TTLL7: variants seen among roughly 807,000 people sequenced by gnomAD.
TTLL7 encodes tubulin tyrosine ligase like 7.
TTLL7 carries 53 observed loss-of-function variants against 120.2 expected under a neutral mutation model. The observed-to-expected ratio is 0.44, with a 90% confidence interval of 0.35 to 0.55. The LOEUF is 0.55. TTLL7 is among the 20% of genes least tolerant of loss of function. The probability of loss-of-function intolerance (pLI) is 0.00; values close to 1 mark genes in which losing one functional copy is unlikely to be tolerated. For missense variants in TTLL7, 803 were observed against 1,054.7 expected, an observed-to-expected ratio of 0.76 and a Z score of 3.31; for synonymous variants, 353 against 351.7, an observed-to-expected ratio of 1.00 and a Z score of -0.04.
rs778043375 is a variant in TTLL7, at chr1:83,949,928, A to C, written c.216T>G (p.Ser72Arg). ...CAGCAGAATCACACCATATAAGATT[A>C]CTTGTTTCATCCTCATCTGGAGTTT... is the stretch of plus-strand genomic sequence containing the variant. ...FMKTPDEDET[S>R]NLIWCDSAVQ... Residue 72 changes from serine (S) to arginine (R), a missense_variant, in exon 4 of 21, where the codon AGT becomes AGG. Physicochemically the swap from Ser to Arg is moderately radical, Grantham distance 110 (BLOSUM62 -1). This residue lies in a region of TTLL7 where 91 missense variants were observed against 96.6 expected (regional missense o/e 0.94). Coordinates refer to ENST00000260505, the MANE Select transcript of TTLL7 (RefSeq NM_024686.6). 6.2e-7 allele frequency: 1 copy of C among 1,613,652 alleles called. No individual in the cohort carries two copies. The highest frequency in any genetic ancestry group is 8.5e-7 in the Non-Finnish European group (1 of 1,179,816).
chr1:83,959,597 A>G (rs1167349129), intron 1 of TTLL7, among the ~76,000 whole-genome samples: 2 of 152,262 alleles, frequency 1.3e-5, no homozygotes, highest in Admixed American at 6.5e-5. Context: ...TTTGACCCCA[A>G]ACCAGCTACC....
intron 9 of TTLL7, 64 bp from the exon 10 acceptor site, chr1:83,929,294 C>T: frequency 8.0e-7 from 1 of 1,251,146 alleles, no homozygotes; most frequent in South Asian, 1.3e-5. Context: ...TTTGTTAATC[C>T]AATGTGGGAT....
intron 3 of TTLL7, among the ~76,000 whole-genome samples, 192 bp downstream of exon 3, chr1:83,951,653 C>A (rs1327494465): frequency 1.3e-5 from 2 of 152,114 alleles, no homozygotes; most frequent in Non-Finnish European, 2.9e-5. Context: ...CAGTTGGGAT[C>A]TTTTTAAGGA....
chr1:83,914,413 C>G (rs752760324), intron 14 of TTLL7, among the ~76,000 whole-genome samples: 2 of 137,796 alleles, frequency 1.5e-5, no homozygotes, highest in South Asian at 2.4e-4. Flanking sequence ...CTCATTGCAA[C>G]CTCTGCCTCC....
intron 7 of TTLL7, among the ~76,000 whole-genome samples, chr1:83,939,689 C>T (rs767357915): frequency 1.2e-4 from 18 of 152,100 alleles, no homozygotes; most frequent in Admixed American, 2.6e-4. Flanking sequence ...CCAACCACTA[C>T]ATTGGTAGCA....
intron 14 of TTLL7, among the ~76,000 whole-genome samples, chr1:83,917,257 G>A (rs1231146039): frequency 6.6e-6 from 1 of 152,036 alleles, no homozygotes; most frequent in Non-Finnish European, 1.5e-5. Context: ...TTCATGATTT[G>A]CCTTATTTAT....
intron 1 of TTLL7, among the ~76,000 whole-genome samples, chr1:83,996,984 A>G (rs1653541213): frequency 6.6e-6 from 1 of 152,034 alleles, no homozygotes; most frequent in Admixed American, 6.6e-5. Flanking sequence ...AAGGTTCAGG[A>G]TATAGGTTAT....
At chr1:83,952,880 T>C (rs1192802377) in intron 1 of TTLL7, among the ~76,000 whole-genome samples, 1 of 152,198 alleles carries the variant, frequency 6.6e-6, no homozygotes, top group Non-Finnish European at 1.5e-5. Context: ...GTGTCTTATT[T>C]AGAAACCCAC....
intron 15 of TTLL7, among the ~76,000 whole-genome samples, chr1:83,908,168 A>G (rs1657366039): frequency 6.6e-6 from 1 of 152,056 alleles, no homozygotes; most frequent in Non-Finnish European, 1.5e-5. Context: ...CTTTTTCTAT[A>G]ATACCATGAT....
At chr1:83,956,027 G>A (rs1649478238) in intron 1 of TTLL7, among the ~76,000 whole-genome samples, 1 of 152,068 alleles carries the variant, frequency 6.6e-6, no homozygotes, top group African/African-American at 2.4e-5. Context: ...CATGAGAGCT[G>A]AGAGAAAAGA....
chr1:83,875,706 G>T (rs1024025744), intron 20 of TTLL7, among the ~76,000 whole-genome samples: 1 of 151,808 alleles, frequency 6.6e-6, no homozygotes, highest in Non-Finnish European at 1.5e-5. Context: ...GCATTTCCCT[G>T]ATTATTAGCT....
intron 6 of TTLL7, among the ~76,000 whole-genome samples, chr1:83,945,732 A>C (rs1163736217): frequency 6.6e-6 from 1 of 151,886 alleles, no homozygotes; most frequent in Non-Finnish European, 1.5e-5. Context: ...TGTATGTTTT[A>C]ATATCAAATA....
At chr1:83,931,368 C>A (rs1013954369) in intron 9 of TTLL7, among the ~76,000 whole-genome samples, 1 of 152,070 alleles carries the variant, frequency 6.6e-6, no homozygotes, top group Non-Finnish European at 1.5e-5. Flanking sequence ...CTCTGCACCA[C>A]AGCCTTTCCC....
intron 1 of TTLL7, among the ~76,000 whole-genome samples, chr1:83,960,058 T>C (rs909444581): frequency 6.6e-6 from 1 of 152,180 alleles, no homozygotes; most frequent in African/African-American, 2.4e-5. Context: ...ATGCAAAGAA[T>C]GTAATTCTTA....
At chr1:83,903,779 T>C (rs1424579647) in intron 18 of TTLL7, among the ~76,000 whole-genome samples, 1 of 152,010 alleles carries the variant, frequency 6.6e-6, no homozygotes, top group Non-Finnish European at 1.5e-5. Flanking sequence ...CATCCATGGA[T>C]GCGAAACCCA....
chr1:83,901,914 T>A (rs1279309801), intron 18 of TTLL7: 2 of 151,950 alleles, frequency 1.3e-5, no homozygotes, highest in African/African-American at 4.8e-5. Context: ...ATAGTCTATC[T>A]CCCAGAAAAC....
At chr1:83,961,052 C>G (rs1400803308) in intron 1 of TTLL7, among the ~76,000 whole-genome samples, 2 of 152,022 alleles carry the variant, frequency 1.3e-5, no homozygotes, top group Admixed American at 6.6e-5. Flanking sequence ...AGAATAAACA[C>G]AAGAACTATT....
intron 1 of TTLL7, among the ~76,000 whole-genome samples, chr1:83,954,157 G>T (rs1166402512): frequency 6.6e-6 from 1 of 151,980 alleles, no homozygotes; most frequent in East Asian, 1.9e-4. Context: ...TTGAAAGTAG[G>T]TGACAAAGTC....
intron 18 of TTLL7, among the ~76,000 whole-genome samples, chr1:83,892,955 G>GAAAGAAAGAAA (rs1246789021): frequency 1.3e-5 from 1 of 78,930 alleles, no homozygotes; most frequent in African/African-American, 4.2e-5. Context: ...AGAAAGAAAA[G>GAAAGAAAGAAA]AATAAAAGAA....
Sources: allele counts gnomAD v4.1 joint callset (sites outside exome capture counted in the v4.1 genomes callset), GRCh38; gene constraint gnomAD v4.1.1; regional missense constraint gnomAD v4.1.1; transcripts MANE v1.5; gene names NCBI Gene and HGNC (gene_info 2026-07-23, HGNC 2026-07-21).